The following SIX4 variants were observed in gnomAD, a reference collection of about 807,000 sequenced individuals.
SIX4 encodes SIX homeobox 4.
Under a neutral mutation model 51.5 loss-of-function variants are expected in SIX4, and 23 were observed. That is an observed-to-expected ratio of 0.45 (90% CI 0.32 to 0.63). The LOEUF is 0.63. Among genes scored for constraint, SIX4 ranks in the 30% least tolerant of loss-of-function variants. The pLI, the probability that SIX4 is intolerant of heterozygous loss-of-function variation, is 0.04. For missense variants in SIX4, 867 were observed against 984.0 expected, an observed-to-expected ratio of 0.88 and a Z score of 1.59; for synonymous variants, 413 against 417.3, an observed-to-expected ratio of 0.99 and a Z score of 0.13.
rs570134499 is a variant in SIX4 at position 60,709,905 on chromosome 14, C to T, written c.*3502G>A. On this transcript the variant is annotated 3_prime_UTR_variant, in exon 3 of 3. Transcript: ENST00000216513. This position sits in a 1 kb window ranked among gnomAD's most constrained non-coding sequence, Gnocchi z 4.1. ...CTCTGAAAGCCAAAAGAGTCACATG[C>T]TATACAATTTTGATTAATAAAATGT... The T allele has an allele frequency of 2.2e-4, 33 of 152,676 alleles. No individual in the cohort carries two copies. Among genetic ancestry groups the T allele is most frequent in the African/African-American group, 7.7e-4 (32 of 41,546 alleles). The allele number at this position is 152,676 out of a possible 1,614,324, so 9.5% of individuals were successfully genotyped here.
Position 60,713,964 on chromosome 14 carries a change from C to T in SIX4, c.1789G>A (p.Glu597Lys). ...NAQVNANLSS[E>K]NISGSGLHPL... ...TGCAGGCCACTCCCCGAGATGTTTT[C>T]AGAAGACAGGTTTGCATTTACTTGT... is the stretch of plus-strand genomic sequence containing the variant. Residue 597 changes from glutamate (E) to lysine (K), a missense_variant, in exon 3 of 3, where the codon GAA becomes AAA. Coordinates refer to ENST00000216513, the MANE Select transcript of SIX4 (RefSeq NM_017420.5). 5.0e-6 allele frequency: 8 copies of T among 1,614,164 alleles called. No homozygotes were observed. Among genetic ancestry groups the T allele is most frequent in the Non-Finnish European group, 6.8e-6 (8 of 1,180,010 alleles).
At chr14:60,716,979 A>G (rs1042401608) in intron 2 of SIX4, among the ~76,000 whole-genome samples, 1 of 152,242 alleles carries the variant, frequency 6.6e-6, no homozygotes, top group Non-Finnish European at 1.5e-5. Context: ...ATTCTCTTAC[A>G]TTTCTGTTTC....
At chr14:60,716,649 A>T (rs113068417) in intron 2 of SIX4, among the ~76,000 whole-genome samples, 4,389 of 152,276 alleles carry the variant, frequency 0.029, 173 homozygotes, top group African/African-American at 0.093. Context: ...CAGCCTCCCA[A>T]AGTGTTAGAA....
In SIX4 at chr14:60,713,842, A is replaced by T. The variant is rs573959416; in HGVS notation, c.1911T>A (p.Ile637=). 1.9e-6 allele frequency: 3 copies of T among 1,614,166 alleles called. No individual in the cohort carries two copies. Among genetic ancestry groups the T allele is most frequent in the South Asian group, 2.2e-5 (2 of 91,070 alleles). Residue 637 remains isoleucine (I), a synonymous_variant, in exon 3 of 3, where the codon ATT becomes ATA. Coordinates refer to ENST00000216513, the MANE Select transcript of SIX4 (RefSeq NM_017420.5). ...GTGCAGACATTGGTTGGCTATCGGC[A>T]ATGTCGCGGTTTAGCTCAGTGGGAT... ...LLNPTELNRD[I]ADSQPMSAPV...
At position 60,712,630 on chromosome 14, in the gene SIX4, T is replaced by A. The variant is rs1184554390; in HGVS notation, c.*777A>T. The A allele has an allele frequency of 6.6e-6, 1 of 152,606 alleles. No homozygotes were observed. Among genetic ancestry groups the A allele is most frequent in the Non-Finnish European group, 1.5e-5 (1 of 68,018 alleles). 9.5% of individuals were successfully genotyped at this position (152,606 alleles called of 1,614,324 possible). A position where few individuals can be genotyped will look rare whatever the true frequency, so the allele number is the denominator to read the frequency against. On this transcript the variant is annotated 3_prime_UTR_variant, in exon 3 of 3. Coordinates refer to ENST00000216513, the MANE Select transcript of SIX4 (RefSeq NM_017420.5). Reference sequence around the variant, plus strand: ...AAAACTTTGTTGGAAACGACTATGTTCACTTCCTGTTCAAACAATAAAAAT... The same window carrying A: ...AAAACTTTGTTGGAAACGACTATGTACACTTCCTGTTCAAACAATAAAAAT...
chr14:60,717,942 G>A lies in SIX4; in HGVS notation c.1549+1818C>T. ...CAGGATAATCACTTGAACACGGGAGGCAGAGGCTGCAGTGAGCCGAGATCG... is the reference window on the plus strand; with the variant it reads ...CAGGATAATCACTTGAACACGGGAGACAGAGGCTGCAGTGAGCCGAGATCG... On this transcript the variant is annotated intron_variant, in intron 2 of 2. Coordinates refer to ENST00000216513, the MANE Select transcript of SIX4 (RefSeq NM_017420.5). This position sits in a 1 kb window ranked among gnomAD's most constrained non-coding sequence, Gnocchi z 4.6. The A allele has an allele frequency of 5.0e-6, 1 of 200,522 alleles. No individual in the cohort carries two copies. The highest frequency in any genetic ancestry group is 7.7e-5 in the South Asian group (1 of 13,054). The allele number at this position is 200,522 out of a possible 1,614,324, so 12.4% of individuals were successfully genotyped here.
rs923326530 is a variant in SIX4 at position 60,713,217 on chromosome 14, G to C, written c.*190C>G. 7.7e-6 allele frequency: 4 copies of C among 519,382 alleles called. No individual in the cohort carries two copies. In the Admixed American group the frequency reaches 1.5e-4, roughly 19 times the overall value. The allele number at this position is 519,382 out of a possible 1,614,324, so 32.2% of individuals were successfully genotyped here. On this transcript the variant is annotated 3_prime_UTR_variant, in exon 3 of 3. Transcript: ENST00000216513. ...GAGAAATTTATAAGTGAACAAAAAGGCTGCAATAATGCAGTTCTACTCCTG... is the reference window on the plus strand; with the variant it reads ...GAGAAATTTATAAGTGAACAAAAAGCCTGCAATAATGCAGTTCTACTCCTG...
Position 60,723,952 on chromosome 14 carries a change from T to C in SIX4, c.123A>G (p.Val41=). 1.3e-6 allele frequency: 2 copies of C among 1,509,714 alleles called. No homozygotes were observed. Among genetic ancestry groups the C allele is most frequent in the Non-Finnish European group, 1.8e-6 (2 of 1,135,576 alleles). 93.5% of individuals were successfully genotyped at this position (1,509,714 alleles called of 1,614,324 possible). A position where few individuals can be genotyped will look rare whatever the true frequency, so the allele number is the denominator to read the frequency against. The change falls in exon 1 of 3, where the codon GTA becomes GTG. Residue 41 remains valine (V), a synonymous_variant. Transcript: ENST00000216513. ...AHREVAGGAA[V]GLSPPAPAPF... ...GGGCTGGAGCCGGGGGGCTCAGCCC[T>C]ACCGCCGCGCCCCCCGCCACTTCTC...
rs775311477 is a variant in SIX4 at position 60,720,309 on chromosome 14, G to T, written c.1000C>A (p.Gln334Lys). The change falls in exon 2 of 3, where the codon CAA becomes AAA. Residue 334 changes from glutamine to lysine, a missense_variant. Coordinates refer to ENST00000216513, the MANE Select transcript of SIX4 (RefSeq NM_017420.5). The surrounding 1 kb of genome is among the most constrained non-coding windows in gnomAD (Gnocchi z 5.5). ...GATATCTTAGCATTTCCAATTTGTT[G>T]CATATATACTGGCTCCATATGACTG... ...LSSHMEPVYM[Q>K]QIGNAKISLS... The T allele has an allele frequency of 6.2e-6, 10 of 1,614,066 alleles. No homozygotes were observed. The East Asian group carries it at 2.2e-4, about 36-fold the overall frequency.
chr14:60,723,219 A>T lies in SIX4; in HGVS notation c.856T>A (p.Ser286Thr). 6.2e-7 allele frequency: 1 copy of T among 1,608,880 alleles called. No homozygotes were observed. Among genetic ancestry groups the T allele is most frequent in the Non-Finnish European group, 8.5e-7 (1 of 1,178,138 alleles). Reference sequence around the variant, plus strand: ...AGGAAAGTTGGCGCTCACCTTTTGGACTGGGTCTCGGAGGGGTTCCTGTCG... The same window carrying T: ...AGGAAAGTTGGCGCTCACCTTTTGGTCTGGGTCTCGGAGGGGTTCCTGTCG... ...QRDRNPSETQ[S>T]KSESDGNPST... Residue 286 changes from serine (S) to threonine (T), a missense_variant, in exon 1 of 3, where the codon TCC becomes ACC. Ser to Thr is a moderately conservative substitution (Grantham distance 58). Coordinates refer to ENST00000216513, the MANE Select transcript of SIX4 (RefSeq NM_017420.5).
chr14:60,713,024 T>C lies in SIX4; in HGVS notation c.*383A>G, dbSNP rs558044477. The C allele has an allele frequency of 6.1e-6, 1 of 163,000 alleles. No individual in the cohort carries two copies. Among genetic ancestry groups the C allele is most frequent in the East Asian group, 1.8e-4 (1 of 5,494 alleles). 10.1% of individuals were successfully genotyped at this position (163,000 alleles called of 1,614,324 possible). A position where few individuals can be genotyped will look rare whatever the true frequency, so the allele number is the denominator to read the frequency against. The stretch of plus-strand genomic sequence containing the variant: ...TAAAAGTAAACAAAAACAATTGTAT[T>C]ATTTCTAATGGTCTGCAGCTATCTT... On this transcript the variant is annotated 3_prime_UTR_variant, in exon 3 of 3. Coordinates refer to ENST00000216513, the MANE Select transcript of SIX4 (RefSeq NM_017420.5).
rs1404109048 is a variant in SIX4, at chr14:60,713,352, G to T, written c.*55C>A. On this transcript the variant is annotated 3_prime_UTR_variant, in exon 3 of 3. Coordinates refer to ENST00000216513, the MANE Select transcript of SIX4 (RefSeq NM_017420.5). The stretch of plus-strand genomic sequence containing the variant: ...TGGGAAAATGTTTTGTGTCCTTGGG[G>T]CTTCATGAAAAGATTTGCCGCTGAT... 8 of 1,516,910 alleles carry T rather than the reference G, an allele frequency of 5.3e-6. No individual in the cohort carries two copies. The East Asian group carries it at 1.6e-4, about 30-fold the overall frequency. 94.0% of individuals were successfully genotyped at this position (1,516,910 alleles called of 1,614,324 possible).
At chr14:60,721,208 A>G (rs1896012712) in intron 1 of SIX4, 4 of 952,070 alleles carry the variant, frequency 4.2e-6, no homozygotes, top group South Asian at 4.9e-5. Context: ...CTCTTCCCCA[A>G]CGTCCTTGGT....
rs1357823870 is a variant in SIX4, at chr14:60,723,942, G to T, written c.133C>A (p.Pro45Thr). The change falls in exon 1 of 3, where the codon CCC (proline) becomes ACC (threonine). Residue 45 changes from proline to threonine, a missense_variant. Physicochemically the swap from Pro to Thr is conservative, Grantham distance 38 (BLOSUM62 -1). Transcript: ENST00000216513. ...AGGGGAAAAGGGGCTGGAGCCGGGGGGCTCAGCCCTACCGCCGCGCCCCCC... is the reference window on the plus strand; with the variant it reads ...AGGGGAAAAGGGGCTGGAGCCGGGGTGCTCAGCCCTACCGCCGCGCCCCCC... ...VAGGAAVGLS[P>T]PAPAPFPLEP... 4 of 1,509,962 alleles carry T rather than the reference G, an allele frequency of 2.6e-6. No individual in the cohort carries two copies. Among genetic ancestry groups the T allele is most frequent in the South Asian group, 1.3e-5 (1 of 74,338 alleles). The allele number at this position is 1,509,962 out of a possible 1,614,324, so 93.5% of individuals were successfully genotyped here.
At position 60,717,384 on chromosome 14, in the gene SIX4, C is replaced by G. The variant is rs190120802; in HGVS notation, c.1549+2376G>C. Among the ~76,000 whole-genome samples, 786 of 152,286 alleles carry G rather than the reference C, an allele frequency of 5.2e-3. 6 individuals carry two copies. Among genetic ancestry groups the G allele is most frequent in the African/African-American group, 0.018 (743 of 41,562 alleles). Reference sequence around the variant, plus strand: ...CACTGTGCCCGGCGTCTTTAAAATTCTTGTAGGCAGCTGATTTGTGGCAAA... The same window carrying G: ...CACTGTGCCCGGCGTCTTTAAAATTGTTGTAGGCAGCTGATTTGTGGCAAA... On this transcript the variant is annotated intron_variant, in intron 2 of 2. Coordinates refer to ENST00000216513, the MANE Select transcript of SIX4 (RefSeq NM_017420.5). This position sits in a 1 kb window ranked among gnomAD's most constrained non-coding sequence, Gnocchi z 4.6.
rs1174263764 is a variant in SIX4, at chr14:60,714,027, G to A, written c.1726C>T (p.Leu576=). ...SVKQEGLERS[L]VFSQLMPVNQ... ...ACAGGCATCAACTGAGAAAATACCA[G>A]GCTCCTTTCCAAGCCTTCCTGTTTC... Residue 576 remains leucine, a synonymous_variant, in exon 3 of 3, where the codon CTG becomes TTG. Transcript: ENST00000216513. 1.1e-5 allele frequency: 17 copies of A among 1,613,934 alleles called. No individual in the cohort carries two copies. The highest frequency in any genetic ancestry group is 1.3e-5 in the Non-Finnish European group (15 of 1,180,024).
In SIX4 at chr14:60,723,373, C is replaced by T; in HGVS notation, c.702G>A (p.Ser234=). 1 of 1,612,048 alleles carries T rather than the reference C, an allele frequency of 6.2e-7. No individual in the cohort carries two copies. Among genetic ancestry groups the T allele is most frequent in the Non-Finnish European group, 8.5e-7 (1 of 1,179,974 alleles). ...EETVYCFKEK[S]RNALKELYKQ... ...TGTAGAGCTCCTTGAGCGCGTTGCG[C>T]GACTTCTCCTTGAAACAATACACCG... Residue 234 remains serine, a synonymous_variant, in exon 1 of 3, where the codon TCG becomes TCA. Coordinates refer to ENST00000216513, the MANE Select transcript of SIX4 (RefSeq NM_017420.5).
rs1566737125 is a variant in SIX4, at chr14:60,713,886, TGA to T, written c.1865_1866del (p.Leu622GlnfsTer10). On this transcript the variant is annotated frameshift_variant, in exon 3 of 3. Coordinates refer to ENST00000216513, the MANE Select transcript of SIX4 (RefSeq NM_017420.5). LOFTEE classifies it high-confidence loss of function. ...GTGGGATTTAGTAGTGTAGAGGGAC[TGA>T]GAGAAAAATTGTGAGTTGGAGATAC... ...VNVSPTHNFS[L>X]SPSTLLNPTE... 1.2e-6 allele frequency: 2 copies of T among 1,614,098 alleles called. No homozygotes were observed. The highest frequency in any genetic ancestry group is 1.7e-5 in the Admixed American group (1 of 60,020).
intron 1 of SIX4, 52 bp downstream of exon 1, chr14:60,723,160 G>C: frequency 6.7e-7 from 1 of 1,497,422 alleles, no homozygotes; most frequent in East Asian, 2.4e-5. Flanking sequence ...AAAGAAAGCC[G>C]GGAAGGGGGT....
Sources: allele counts gnomAD v4.1 joint callset (sites outside exome capture counted in the v4.1 genomes callset), GRCh38; gene constraint gnomAD v4.1.1; non-coding constraint Gnocchi (gnomAD v3.1); transcripts MANE v1.5; gene names NCBI Gene and HGNC (gene_info 2026-07-23, HGNC 2026-07-21).